Variants in HHAT observed in about 807,000 individuals in gnomAD.
The protein encoded by HHAT is hedgehog acyltransferase, also known as protein-cysteine N-palmitoyltransferase HHAT.
Under a neutral mutation model 70.8 loss-of-function variants are expected in HHAT, and 47 were observed. The ratio of observed to expected loss-of-function variants is 0.66; its 90% CI spans 0.53 to 0.85. The LOEUF (loss-of-function observed/expected upper bound fraction) is 0.85, where lower values mean the gene tolerates loss of function less well. Ranked by LOEUF, HHAT falls within the 40% of genes least tolerant of loss-of-function variation. HHAT has a pLI of 0.00. For synonymous variants in HHAT, 228 were observed against 247.6 expected (o/e 0.92, Z 0.74); for missense variants, 609 against 604.8 (o/e 1.01, Z -0.07).
chr1:210,628,722 T>A (rs937923229), intron 11 of HHAT, among the ~76,000 whole-genome samples: 3 of 152,228 alleles, frequency 2.0e-5, no homozygotes, highest in African/African-American at 7.2e-5. Context: ...TCTCCCTGAT[T>A]ACTAGCTTGT....
intron 11 of HHAT, among the ~76,000 whole-genome samples, chr1:210,659,127 C>CA (rs1165863825): frequency 1.3e-5 from 2 of 152,042 alleles, no homozygotes; most frequent in African/African-American, 4.8e-5. Context: ...AAAAACCCTT[C>CA]AAAAAATCAA....
At chr1:210,668,191 T>G (rs1679333972) in intron 11 of HHAT, among the ~76,000 whole-genome samples, 1 of 152,238 alleles carries the variant, frequency 6.6e-6, no homozygotes, top group South Asian at 2.1e-4. Context: ...TACACCATGT[T>G]CTGCTTATCC....
chr1:210,491,245 C>T (rs2094548299), intron 8 of HHAT, among the ~76,000 whole-genome samples: 2 of 152,124 alleles, frequency 1.3e-5, no homozygotes, highest in Admixed American at 6.5e-5. Context: ...GAACTGGCCT[C>T]CCACCTCACT....
At chr1:210,329,236 A>G (rs10863819) in intron 1 of HHAT, 132 bp downstream of exon 1, 173,918 of 1,195,780 alleles carry the variant, frequency 0.15, 13,503 homozygotes, top group Admixed American at 0.29. Flanking sequence ...TGCGCGCCCG[A>G]GGGCGGGACA....
chr1:210,503,644 G>A (rs1307239953), intron 8 of HHAT, among the ~76,000 whole-genome samples: 3 of 151,968 alleles, frequency 2.0e-5, no homozygotes, highest in Non-Finnish European at 4.4e-5. Context: ...TCTCCTTCAG[G>A]ACATAACTCT....
chr1:210,614,325 G>T (rs1667216521), intron 10 of HHAT, among the ~76,000 whole-genome samples: 1 of 152,050 alleles, frequency 6.6e-6, no homozygotes, highest in Admixed American at 6.5e-5. Flanking sequence ...TTAGGGTTTT[G>T]TACATGTAAT....
chr1:210,627,114 A>T (rs1343932982), intron 11 of HHAT, among the ~76,000 whole-genome samples: 1 of 152,132 alleles, frequency 6.6e-6, no homozygotes, highest in Non-Finnish European at 1.5e-5. Context: ...ATGGGTTGGG[A>T]CCTGCTGCAG....
chr1:210,395,122 A>G (rs992817934), intron 4 of HHAT, among the ~76,000 whole-genome samples: 14 of 152,122 alleles, frequency 9.2e-5, no homozygotes, highest in Admixed American at 2.0e-4. Flanking sequence ...TAATGCTCCC[A>G]TTGAGTGGTT....
At chr1:210,372,785 T>A (rs934052836) in intron 3 of HHAT, among the ~76,000 whole-genome samples, 5 of 151,204 alleles carry the variant, frequency 3.3e-5, no homozygotes, top group African/African-American at 1.2e-4. Flanking sequence ...GAGGTGTTTT[T>A]TTTTTTTTTT....
chr1:210,535,446 TGTGTGTGTGG>T (rs1352801461), intron 9 of HHAT, among the ~76,000 whole-genome samples: 3 of 151,788 alleles, frequency 2.0e-5, no homozygotes, highest in South Asian at 4.2e-4. Context: ...TGTGTGTGTG[TGTGTGTGTGG>T]GGTAAAATAA....
At chr1:210,611,964 G>A (rs956270520) in intron 10 of HHAT, among the ~76,000 whole-genome samples, 20 of 152,006 alleles carry the variant, frequency 1.3e-4, no homozygotes, top group African/African-American at 4.8e-4. Context: ...GACCTGAAGT[G>A]TTCTTTTTTT....
At chr1:210,341,577 T>G (rs1315074109) in intron 1 of HHAT, among the ~76,000 whole-genome samples, 26 of 152,298 alleles carry the variant, frequency 1.7e-4, no homozygotes, top group Non-Finnish European at 2.9e-5. Context: ...CGCTGCTTCT[T>G]CCTGAGCAGG....
At chr1:210,496,010 CAAA>C (rs10639399) in intron 8 of HHAT, among the ~76,000 whole-genome samples, 3 of 67,950 alleles carry the variant, frequency 4.4e-5, no homozygotes, top group African/African-American at 2.0e-4. Context: ...AACTCTATCT[CAAA>C]AAAAAAAAAA....
At chr1:210,450,203 A>G (rs2093721474) in intron 7 of HHAT, among the ~76,000 whole-genome samples, 1 of 149,498 alleles carries the variant, frequency 6.7e-6, no homozygotes, top group South Asian at 2.2e-4. Context: ...AGGGAGGAGA[A>G]TTGCTTCAAC....
chr1:210,438,693 G>A (rs2093436047), intron 7 of HHAT, among the ~76,000 whole-genome samples: 1 of 151,740 alleles, frequency 6.6e-6, no homozygotes, highest in Admixed American at 6.6e-5. Context: ...GATCATGGTG[G>A]CTTAAGTTAA....
At chr1:210,578,529 A>G in intron 9 of HHAT, among the ~76,000 whole-genome samples, 1 of 152,232 alleles carries the variant, frequency 6.6e-6, no homozygotes. Context: ...TTCCATATTC[A>G]TTTCAGCATT....
intron 10 of HHAT, chr1:210,589,831 A>T (rs543284564): frequency 9.2e-5 from 14 of 152,278 alleles, no homozygotes; most frequent in African/African-American, 3.4e-4. Context: ...TTGCTCCAGG[A>T]CTCACTCATT....
intron 9 of HHAT, 81 bp from the exon 10 acceptor site, chr1:210,587,817 G>T: frequency 9.9e-7 from 1 of 1,013,594 alleles, no homozygotes. Flanking sequence ...AGCAGTATGT[G>T]ACAGGATAGT....
rs1234476555 is a variant in HHAT at position 210,513,260 on chromosome 1, TTTG to T, written c.1043+75_1043+77del. On this transcript the variant is annotated intron_variant, in intron 9 of 11. Coordinates refer to ENST00000261458, the MANE Select transcript of HHAT (RefSeq NM_018194.6). ...TTATGAAAGATTGAAATGGAAAATC[TTTG>T]TTAAGTATCTTGATAAATAATGGCA... The T allele has an allele frequency of 1.5e-5, 12 of 807,554 alleles. No individual in the cohort carries two copies. In the African/African-American group the frequency reaches 1.7e-4, roughly 12 times the overall value. 50.0% of individuals were successfully genotyped at this position (807,554 alleles called of 1,614,324 possible).
Sources: gnomAD v4.1 joint callset for allele counts (sites outside exome capture counted in the v4.1 genomes callset) on GRCh38, gnomAD v4.1.1 for gene constraint, MANE v1.5 for transcripts, NCBI Gene and HGNC (gene_info 2026-07-23, HGNC 2026-07-21) for gene names.